Variants in PCDH9 observed in about 807,000 individuals in gnomAD.
The protein encoded by PCDH9 is protocadherin-9.
Under a neutral mutation model 70.6 loss-of-function variants are expected in PCDH9, and 24 were observed. The observed-to-expected ratio is 0.34, with a 90% CI of 0.25 to 0.48. The LOEUF (loss-of-function observed/expected upper bound fraction) is 0.48, where lower values mean the gene tolerates loss of function less well. Ranked by LOEUF, PCDH9 falls within the 20% of genes least tolerant of loss-of-function variation. PCDH9 has a pLI of 0.99. For missense variants in PCDH9, 1,281 were observed against 1,503.6 expected, an observed-to-expected ratio of 0.85 and a Z score of 2.45; for synonymous variants, 562 against 558.5, an observed-to-expected ratio of 1.01 and a Z score of -0.09.
intron 2 of PCDH9, among the ~76,000 whole-genome samples, chr13:66,976,762 A>T (rs17195217): frequency 0.011 from 1,603 of 152,230 alleles, 17 homozygotes; most frequent in Non-Finnish European, 0.017. Flanking sequence ...AGTCCAGGAT[A>T]TTACACTTTA....
intron 4 of PCDH9, among the ~76,000 whole-genome samples, chr13:66,534,798 C>A (rs1364310305): frequency 6.6e-6 from 1 of 152,088 alleles, no homozygotes; most frequent in East Asian, 1.9e-4. Flanking sequence ...GGCCGACAAC[C>A]TTTTCTAGTA....
At chr13:67,101,729 A>C (rs2086438878) in intron 2 of PCDH9, among the ~76,000 whole-genome samples, 1 of 142,178 alleles carries the variant, frequency 7.0e-6, no homozygotes, top group Non-Finnish European at 1.5e-5. Flanking sequence ...CTGATTTTTA[A>C]CTCTAGGTTT....
chr13:66,947,067 T>A (rs1178402127), intron 2 of PCDH9, among the ~76,000 whole-genome samples: 1 of 152,144 alleles, frequency 6.6e-6, no homozygotes, highest in Non-Finnish European at 1.5e-5. Flanking sequence ...GATTCAGGTG[T>A]GTTCAATTAC....
chr13:67,097,995 T>G (rs1366149580), intron 2 of PCDH9, among the ~76,000 whole-genome samples: 1 of 152,178 alleles, frequency 6.6e-6, no homozygotes, highest in African/African-American at 2.4e-5. Context: ...CAAAGACCAT[T>G]CTTACAGATT....
chr13:66,855,296 A>G (rs2081377669), intron 3 of PCDH9, among the ~76,000 whole-genome samples: 1 of 152,116 alleles, frequency 6.6e-6, no homozygotes, highest in South Asian at 2.1e-4. Context: ...ATAACATAAG[A>G]TGAGTAATCA....
intron 3 of PCDH9, among the ~76,000 whole-genome samples, chr13:66,689,922 C>A (rs1010901232): frequency 6.6e-6 from 1 of 152,036 alleles, no homozygotes. Flanking sequence ...AAAGACTATG[C>A]CTCGAGATAT....
At chr13:67,095,383 A>G (rs2086299599) in intron 2 of PCDH9, among the ~76,000 whole-genome samples, 1 of 152,152 alleles carries the variant, frequency 6.6e-6, no homozygotes, top group Non-Finnish European at 1.5e-5. Flanking sequence ...AATATTTGTT[A>G]TTATTTTTAA....
chr13:67,185,879 T>C lies in PCDH9; in HGVS notation c.3036+39526A>G, dbSNP rs528291419. Reference sequence around the variant, plus strand: ...TCCCAAGTAGCTGGGATTACAGGCATGAGCCACCACACCCGGCTAATTTTG... The same window carrying C: ...TCCCAAGTAGCTGGGATTACAGGCACGAGCCACCACACCCGGCTAATTTTG... On this transcript the variant is annotated intron_variant, in intron 2 of 4. Coordinates refer to ENST00000377865, the MANE Select transcript of PCDH9 (RefSeq NM_203487.3). 8.5e-5 allele frequency among the ~76,000 whole-genome samples: 13 copies of C among 152,228 alleles called. No homozygotes were observed. In the South Asian group the frequency reaches 2.5e-3, roughly 29 times the overall value.
intron 4 of PCDH9, among the ~76,000 whole-genome samples, chr13:66,366,955 T>A (rs1362059923): frequency 6.6e-6 from 1 of 152,098 alleles, no homozygotes; most frequent in African/African-American, 2.4e-5. Flanking sequence ...CCAGCAATTT[T>A]CAGCATCTGT....
chr13:67,192,709 AG>A (rs1375973747), intron 2 of PCDH9, among the ~76,000 whole-genome samples: 1 of 152,140 alleles, frequency 6.6e-6, no homozygotes, highest in Non-Finnish European at 1.5e-5. Context: ...TAGTGAATGG[AG>A]TAGATTCCTG....
chr13:66,652,078 T>C (rs2077861001), intron 3 of PCDH9, among the ~76,000 whole-genome samples: 1 of 152,030 alleles, frequency 6.6e-6, no homozygotes, highest in Admixed American at 6.5e-5. Flanking sequence ...ACCGAAAACC[T>C]TTCCTCTAAG....
chr13:67,016,536 T>A (rs2084565337), intron 2 of PCDH9, among the ~76,000 whole-genome samples: 2 of 152,200 alleles, frequency 1.3e-5, no homozygotes, highest in Admixed American at 6.5e-5. Context: ...ATTTTCCCAA[T>A]CATCTTGCCA....
chr13:66,661,154 A>AT (rs1401791641), intron 3 of PCDH9, among the ~76,000 whole-genome samples: 2 of 152,206 alleles, frequency 1.3e-5, no homozygotes, highest in Non-Finnish European at 2.9e-5. Flanking sequence ...TTATGCTGCC[A>AT]TTTCCTGTTT....
At position 67,225,629 on chromosome 13, in the gene PCDH9, G is replaced by A. The variant is rs1397259182; in HGVS notation, c.2812C>T (p.His938Tyr). 1.2e-6 allele frequency: 2 copies of A among 1,614,118 alleles called. No homozygotes were observed. Among genetic ancestry groups the A allele is most frequent in the Non-Finnish European group, 1.7e-6 (2 of 1,180,002 alleles). The change falls in exon 2 of 5, where the codon CAC becomes TAC. Residue 938 changes from histidine (H) to tyrosine (Y), a missense_variant. Physicochemically the swap from His to Tyr is moderately conservative, Grantham distance 83. This residue lies in a region of PCDH9 where 207 missense variants were observed against 191.8 expected (regional missense o/e 1.08). Coordinates refer to ENST00000377865, the MANE Select transcript of PCDH9 (RefSeq NM_203487.3). The part of the protein sequence containing the change: ...FKPNSPDLAK[H>Y]YKSASPQPAF... ...GGCTGTGGAGAAGCAGATTTGTAGT[G>A]CTTGGCCAGGTCAGGACTGTTAGGC...
chr13:66,726,579 T>C (rs953441718), intron 3 of PCDH9, among the ~76,000 whole-genome samples: 23 of 152,160 alleles, frequency 1.5e-4, no homozygotes, highest in African/African-American at 5.5e-4. Context: ...GAGGCCCAGA[T>C]GTTTTAGGGC....
intron 2 of PCDH9, among the ~76,000 whole-genome samples, chr13:67,078,092 C>T (rs1240834875): frequency 6.6e-6 from 1 of 152,076 alleles, no homozygotes; most frequent in East Asian, 1.9e-4. Flanking sequence ...CTGAGGTGTC[C>T]ATGGATATCC....
In PCDH9 at chr13:66,791,968, C is replaced by G. The variant is rs926873040; in HGVS notation, c.3138+111536G>C. The stretch of plus-strand genomic sequence containing the variant: ...ATACATAGTTATTCCAAGACTCTTA[C>G]ACACCTGGGTTATGAATTTTATAAT... On this transcript the variant is annotated intron_variant, in intron 3 of 4. Transcript: ENST00000377865. 5.9e-5 allele frequency among the ~76,000 whole-genome samples: 9 copies of G among 152,240 alleles called. No homozygotes were observed. The East Asian group carries it at 7.7e-4, about 13-fold the overall frequency.
At chr13:67,177,505 A>C (rs1279162406) in intron 2 of PCDH9, among the ~76,000 whole-genome samples, 1 of 151,890 alleles carries the variant, frequency 6.6e-6, no homozygotes, top group Non-Finnish European at 1.5e-5. Flanking sequence ...TGACACTTTG[A>C]CCCTCTTTCC....
In PCDH9 at chr13:66,447,506, T is replaced by TA. The variant is rs1203566562; in HGVS notation, c.3341-142479dup. On this transcript the variant is annotated intron_variant, in intron 4 of 4. Coordinates refer to ENST00000377865, the MANE Select transcript of PCDH9 (RefSeq NM_203487.3). ...CTCTCTTTTTAAAAATTTTTGCAAA[T>TA]AAAAAAATTAATTTGGCAATCTTTT... 1.1e-4 allele frequency among the ~76,000 whole-genome samples: 17 copies of TA among 152,176 alleles called. No individual in the cohort carries two copies. In the South Asian group the frequency reaches 3.3e-3, roughly 30 times the overall value.
Sources: gnomAD v4.1 joint callset for allele counts (sites outside exome capture counted in the v4.1 genomes callset) on GRCh38, gnomAD v4.1.1 for gene constraint, gnomAD v4.1.1 regional missense constraint, MANE v1.5 for transcripts, NCBI Gene and HGNC (gene_info 2026-07-23, HGNC 2026-07-21) for gene names.